DMTN: variants seen among roughly 807,000 people sequenced by gnomAD.
DMTN encodes dematin.
In DMTN, 27 loss-of-function variants were observed where a neutral mutation model predicts 59.4. The ratio of observed to expected loss-of-function variants is 0.45; its 90% CI spans 0.33 to 0.63. The LOEUF is 0.63. Among genes scored for constraint, DMTN ranks in the 20% least tolerant of loss-of-function variants. DMTN has a pLI of 0.02. For synonymous variants in DMTN, 221 were observed against 203.7 expected (o/e 1.08, Z -0.72); for missense variants, 451 against 528.9 (o/e 0.85, Z 1.45).
intron 1 of DMTN, 161 bp from the exon 2 acceptor site, chr8:22,066,544 G>A (rs1223996494): frequency 4.3e-6 from 1 of 231,242 alleles, no homozygotes; most frequent in Admixed American, 5.7e-5. Context: ...AACAAGCGCA[G>A]CCCGTCCTTC....
chr8:22,055,858 C>T (rs867420435), upstream of DMTN, among the ~76,000 whole-genome samples: 6 of 152,208 alleles, frequency 3.9e-5, 1 homozygote, highest in Admixed American at 1.3e-4. Context: ...ACCCCAGAGC[C>T]CCCTCCCCAG....
At chr8:22,052,743 C>G (rs973645156), upstream of DMTN, among the ~76,000 whole-genome samples, 2 of 151,924 alleles carry the variant, frequency 1.3e-5, no homozygotes, top group African/African-American at 2.4e-5. Flanking sequence ...AATAAGGAAA[C>G]TAATATGTAC....
At chr8:22,059,267 T>C (rs185658595) in intron 1 of DMTN, 1 of 152,388 alleles carries the variant, frequency 6.6e-6, no homozygotes, top group East Asian at 1.9e-4. Context: ...AGTCGCACTG[T>C]GAACAGAACA....
upstream of DMTN, among the ~76,000 whole-genome samples, chr8:22,051,596 C>A (rs893003194): frequency 6.6e-6 from 1 of 152,128 alleles, no homozygotes; most frequent in African/African-American, 2.4e-5. Context: ...TTTCCCAGCT[C>A]CTCACAGAGG....
At chr8:22,070,515 G>A (rs1814532487) in intron 8 of DMTN, 181 bp downstream of exon 8, 11 of 657,268 alleles carry the variant, frequency 1.7e-5, no homozygotes, top group Middle Eastern at 4.0e-4. Flanking sequence ...TTCCCATAGC[G>A]CTTGGTGTAA....
intron 15 of DMTN, 39 bp downstream of exon 15, chr8:22,081,232 C>T: frequency 1.2e-6 from 2 of 1,610,530 alleles, no homozygotes; most frequent in East Asian, 2.2e-5. Context: ...GCGGGGCTGT[C>T]CACGGGCACT....
upstream of DMTN, among the ~76,000 whole-genome samples, chr8:22,050,302 TGGCTGGGGAGGA>T (rs1178073387): frequency 1.4e-5 from 2 of 138,802 alleles, no homozygotes; most frequent in East Asian, 4.7e-4. Context: ...CTTTGGGGGG[TGGCTGGGGAGGA>T]GGCTGGGAAG....
Position 22,064,722 on chromosome 8 carries a change from T to C in DMTN, c.-171-1983T>C, listed in dbSNP as rs1047128686. 2.6e-5 allele frequency among the ~76,000 whole-genome samples: 4 copies of C among 152,168 alleles called. No individual in the cohort carries two copies. The South Asian group carries it at 8.3e-4, about 32-fold the overall frequency. ...ATCTGCCCGCCTTGGCCTCCCAAAG[T>C]GCTGGGATTACAGGTGTGAGCCACC... On this transcript the variant is annotated intron_variant, in intron 1 of 15. Coordinates refer to ENST00000358242, the MANE Select transcript of DMTN (RefSeq NM_001387751.1).
upstream of DMTN, among the ~76,000 whole-genome samples, chr8:22,049,939 C>CT (rs1183665621): frequency 1.3e-5 from 2 of 152,162 alleles, no homozygotes; most frequent in Non-Finnish European, 1.5e-5. Context: ...CAGCTACAGT[C>CT]TCAGTTGATG....
intron 1 of DMTN, among the ~76,000 whole-genome samples, chr8:22,062,694 G>A (rs573459457): frequency 1.5e-4 from 18 of 123,270 alleles, no homozygotes; most frequent in Admixed American, 6.8e-4. Flanking sequence ...CCCTAACCAC[G>A]AGGCCACTAT....
At position 22,064,704 on chromosome 8, in the gene DMTN, C is replaced by T. The variant is rs369452424; in HGVS notation, c.-171-2001C>T. 1.6e-4 allele frequency among the ~76,000 whole-genome samples: 24 copies of T among 152,262 alleles called. No individual in the cohort carries two copies. In the East Asian group the frequency reaches 2.1e-3, roughly 13 times the overall value. ...CAGTCTCCTGACCTTGTGATCTGCC[C>T]GCCTTGGCCTCCCAAAGTGCTGGGA... On this transcript the variant is annotated intron_variant, in intron 1 of 15. Transcript: ENST00000358242.
rs759852285 is a variant in DMTN, at chr8:22,073,810, G to T, written c.810G>T (p.Leu270=). Reference sequence around the variant, plus strand: ...CGATCCGAAGGAAAACCCGCTCTCTGCCTGACCGGACACCCTTCCATACCT... The same window carrying T: ...CGATCCGAAGGAAAACCCGCTCTCTTCCTGACCGGACACCCTTCCATACCT... The part of the protein sequence containing the change: ...SLPIRRKTRS[L]PDRTPFHTSL... The change falls in exon 10 of 16, where the codon CTG becomes CTT. Residue 270 remains leucine, a synonymous_variant. Coordinates refer to ENST00000358242, the MANE Select transcript of DMTN (RefSeq NM_001387751.1). 3.7e-6 allele frequency: 6 copies of T among 1,613,954 alleles called. No homozygotes were observed. The highest frequency in any genetic ancestry group is 4.2e-6 in the Non-Finnish European group (5 of 1,180,004).
rs574290044 is a variant in DMTN, at chr8:22,070,399, C to G, written c.604+65C>G. On this transcript the variant is annotated intron_variant, in intron 8 of 15. Transcript: ENST00000358242. Reference sequence around the variant, plus strand: ...ACTCCTGCACTCCCTCCCCTTGGCTCTTGCTGCAGTCCGTGAACCCACTCC... The same window carrying G: ...ACTCCTGCACTCCCTCCCCTTGGCTGTTGCTGCAGTCCGTGAACCCACTCC... 57 of 1,524,748 alleles carry G rather than the reference C, an allele frequency of 3.7e-5. No homozygotes were observed. The East Asian group carries it at 1.3e-3, about 34-fold the overall frequency. 94.5% of individuals were successfully genotyped at this position (1,524,748 alleles called of 1,614,324 possible). A position where few individuals can be genotyped will look rare whatever the true frequency, so the allele number is the denominator to read the frequency against.
At chr8:22,077,213 G>C (rs1006940517) in intron 10 of DMTN, among the ~76,000 whole-genome samples, 1 of 152,140 alleles carries the variant, frequency 6.6e-6, no homozygotes, top group Non-Finnish European at 1.5e-5. Context: ...GGGAGGTGGG[G>C]GAGGTAGGAG....
intron 10 of DMTN, 122 bp downstream of exon 10, chr8:22,073,957 G>A (rs1817807377): frequency 1.4e-6 from 1 of 715,574 alleles, no homozygotes; most frequent in South Asian, 1.7e-5. Flanking sequence ...CTGCTCTCTT[G>A]GGAGCAAGAA....
Position 22,081,467 on chromosome 8 carries a change from C to T in DMTN, c.*4C>T, listed in dbSNP as rs558470939. On this transcript the variant is annotated 3_prime_UTR_variant, in exon 16 of 16. Transcript: ENST00000358242. ...GAAGAAGGCCTCTCTCTTCTGATGG[C>T]CCCCACCTGCTCCGGGACGGCCCCC... 15 of 1,613,030 alleles carry T rather than the reference C, an allele frequency of 9.3e-6. No individual in the cohort carries two copies. In the South Asian group the frequency reaches 1.5e-4, roughly 17 times the overall value.
At chr8:22,075,639 C>T (rs1406539491) in intron 10 of DMTN, among the ~76,000 whole-genome samples, 1 of 151,160 alleles carries the variant, frequency 6.6e-6, no homozygotes, top group African/African-American at 2.4e-5. Flanking sequence ...CTGCCTCAGC[C>T]TCCCGAGTAC....
In DMTN at chr8:22,062,087, G is replaced by A. The variant is rs990451914; in HGVS notation, c.-171-4618G>A. Among the ~76,000 whole-genome samples the A allele has an allele frequency of 9.2e-5, 14 of 152,044 alleles. 1 individual carries two copies. Among genetic ancestry groups the A allele is most frequent in the African/African-American group, 2.9e-4 (12 of 41,462 alleles). On this transcript the variant is annotated intron_variant, in intron 1 of 15. Coordinates refer to ENST00000358242, the MANE Select transcript of DMTN (RefSeq NM_001387751.1). ...TCTCACTTTTGCTGGGAAAATGGAAGCCCTGTATGGTTGTTACCCAACTTC... is the reference window on the plus strand; with the variant it reads ...TCTCACTTTTGCTGGGAAAATGGAAACCCTGTATGGTTGTTACCCAACTTC...
At chr8:22,076,007 C>T (rs951319077) in intron 10 of DMTN, among the ~76,000 whole-genome samples, 14 of 152,252 alleles carry the variant, frequency 9.2e-5, no homozygotes, top group Non-Finnish European at 1.8e-4. Flanking sequence ...CAATTGAATC[C>T]GCTGGATCGA....
Sources: gnomAD v4.1 joint callset for allele counts (sites outside exome capture counted in the v4.1 genomes callset) on GRCh38, gnomAD v4.1.1 for gene constraint, MANE v1.5 for transcripts, NCBI Gene and HGNC (gene_info 2026-07-23, HGNC 2026-07-21) for gene names.